The following BMPR2 variants were observed in gnomAD, a reference collection of about 807,000 sequenced individuals.
The protein encoded by BMPR2 is bone morphogenetic protein receptor type 2.
In BMPR2, 29 loss-of-function variants were observed where a neutral mutation model predicts 100.8. The ratio of observed to expected loss-of-function variants is 0.29; its 90% CI spans 0.21 to 0.39. BMPR2 has a LOEUF of 0.39. Among genes scored for constraint, BMPR2 ranks in the 10% least tolerant of loss-of-function variants. BMPR2 has a pLI of 1.00. For missense variants in BMPR2, 1,011 were observed against 1,274.5 expected (o/e 0.79, Z 3.15); for synonymous variants, 382 against 442.3 (o/e 0.86, Z 1.71).
intron 3 of BMPR2, among the ~76,000 whole-genome samples, chr2:202,504,861 A>G (rs1268671318): frequency 6.6e-6 from 1 of 151,566 alleles, no homozygotes; most frequent in Non-Finnish European, 1.5e-5. Context: ...TTGTATTTTT[A>G]GTAGAGACGG....
At chr2:202,463,538 C>G (rs1209873229) in intron 1 of BMPR2, among the ~76,000 whole-genome samples, 1 of 152,140 alleles carries the variant, frequency 6.6e-6, no homozygotes, top group African/African-American at 2.4e-5. Context: ...AATAAAGAAA[C>G]AAGTCAGAAG....
chr2:202,528,987 G>T (rs998860916), intron 7 of BMPR2, among the ~76,000 whole-genome samples: 1 of 152,126 alleles, frequency 6.6e-6, no homozygotes, highest in African/African-American at 2.4e-5. Flanking sequence ...TGTTGCTTCC[G>T]AATAAGGAAG....
At chr2:202,479,850 A>G (rs192315680) in intron 3 of BMPR2, among the ~76,000 whole-genome samples, 2 of 152,220 alleles carry the variant, frequency 1.3e-5, no homozygotes, top group East Asian at 3.9e-4. Flanking sequence ...CATTTCCGTA[A>G]TGAATAATGG....
At chr2:202,471,932 G>T (rs139122118) in intron 3 of BMPR2, among the ~76,000 whole-genome samples, 1 of 152,060 alleles carries the variant, frequency 6.6e-6, no homozygotes, top group Admixed American at 6.6e-5. Context: ...GTGTGTGTGT[G>T]TGTGTGTAGA....
rs182645552 is a variant in BMPR2 at position 202,438,738 on chromosome 2, G to A, written c.77-26071G>A. On this transcript the variant is annotated intron_variant, in intron 1 of 12. Transcript: ENST00000374580. ...AGGGCAATTTTTTCCCCATTGAATT[G>A]TCTTGGCACCCTTGTCAAAAATCAG... Among the ~76,000 whole-genome samples, 27 of 150,562 alleles carry A rather than the reference G, an allele frequency of 1.8e-4. 1 individual carries two copies. The highest frequency in any genetic ancestry group is 1.6e-3 in the Admixed American group (25 of 15,232).
At chr2:202,408,035 G>A (rs1001610338) in intron 1 of BMPR2, among the ~76,000 whole-genome samples, 2 of 151,696 alleles carry the variant, frequency 1.3e-5, no homozygotes, top group Non-Finnish European at 2.9e-5. Context: ...GGGTTTCACC[G>A]TGTTAGCCAG....
In BMPR2 at chr2:202,467,702, AC is replaced by A; in HGVS notation, c.418+15del. 1 of 1,600,300 alleles carries A rather than the reference AC, an allele frequency of 6.2e-7. No homozygotes were observed. The highest frequency in any genetic ancestry group is 8.6e-7 in the Non-Finnish European group (1 of 1,167,438). On this transcript the variant is annotated intron_variant, in intron 3 of 12. Transcript: ENST00000374580. ...ACAACACCACTCAGTAAGTAAAGTA[AC>A]CAACTTTTCTTTGTATTTCCTTTCT... is the stretch of plus-strand genomic sequence containing the variant.
chr2:202,557,894 A>G (rs1213540898), intron 12 of BMPR2, among the ~76,000 whole-genome samples: 1 of 152,232 alleles, frequency 6.6e-6, no homozygotes, highest in African/African-American at 2.4e-5. Context: ...AGCTCCAAGT[A>G]ATGTTATACC....
At chr2:202,381,736 A>G (rs973405533) in intron 1 of BMPR2, among the ~76,000 whole-genome samples, 2 of 152,208 alleles carry the variant, frequency 1.3e-5, no homozygotes, top group Non-Finnish European at 2.9e-5. Context: ...AGTTTTTTGC[A>G]TTAAAATGAT....
chr2:202,451,720 C>A (rs1691989537), intron 1 of BMPR2, among the ~76,000 whole-genome samples: 1 of 152,044 alleles, frequency 6.6e-6, no homozygotes, highest in African/African-American at 2.4e-5. Flanking sequence ...CAAAAAACTA[C>A]AATTTGATGA....
chr2:202,494,335 T>C (rs182573889), intron 3 of BMPR2, among the ~76,000 whole-genome samples: 4 of 152,330 alleles, frequency 2.6e-5, no homozygotes, highest in African/African-American at 9.6e-5. Flanking sequence ...TAACCACTAG[T>C]GTGTTATATT....
At chr2:202,430,292 T>C (rs961086385) in intron 1 of BMPR2, among the ~76,000 whole-genome samples, 1 of 152,344 alleles carries the variant, frequency 6.6e-6, no homozygotes, top group East Asian at 1.9e-4. Flanking sequence ...AGTTCAGTTG[T>C]AGCAGTATGC....
chr2:202,396,785 G>A (rs1175799611), intron 1 of BMPR2, among the ~76,000 whole-genome samples: 1 of 72,382 alleles, frequency 1.4e-5, no homozygotes, highest in Non-Finnish European at 2.6e-5. Context: ...GTTATCTTGA[G>A]CAAGAAACTA....
intron 5 of BMPR2, among the ~76,000 whole-genome samples, chr2:202,516,490 C>T (rs1559062045): frequency 6.6e-6 from 1 of 152,082 alleles, no homozygotes; most frequent in Non-Finnish European, 1.5e-5. Context: ...TCATGGGCAA[C>T]ATGGTGAAAC....
At chr2:202,556,952 G>A (rs1462300465) in intron 12 of BMPR2, among the ~76,000 whole-genome samples, 5 of 151,170 alleles carry the variant, frequency 3.3e-5, no homozygotes, top group Non-Finnish European at 7.4e-5. Flanking sequence ...GCGTGGTGGC[G>A]TGCACCTGTA....
intron 1 of BMPR2, among the ~76,000 whole-genome samples, chr2:202,460,648 C>A (rs201245778): frequency 1.3e-5 from 2 of 151,580 alleles, no homozygotes; most frequent in Non-Finnish European, 2.9e-5. Flanking sequence ...ACAATGAGAA[C>A]GATAAAAGAG....
At chr2:202,458,079 A>G (rs1692155769) in intron 1 of BMPR2, among the ~76,000 whole-genome samples, 1 of 151,932 alleles carries the variant, frequency 6.6e-6, no homozygotes, top group African/African-American at 2.4e-5. Flanking sequence ...TTTAAATGAT[A>G]TGGTAACACA....
At chr2:202,548,417 A>G (rs1688414362) in intron 10 of BMPR2, among the ~76,000 whole-genome samples, 1 of 152,040 alleles carries the variant, frequency 6.6e-6, no homozygotes, top group Non-Finnish European at 1.5e-5. Flanking sequence ...CCACCTGTGA[A>G]TAACCACTGC....
intron 3 of BMPR2, among the ~76,000 whole-genome samples, chr2:202,505,774 T>C (rs1687508872): frequency 6.6e-6 from 1 of 152,212 alleles, no homozygotes; most frequent in East Asian, 1.9e-4. Flanking sequence ...ACTTATGAGC[T>C]CTTTTCACTA....
Sources: gnomAD v4.1 joint callset for allele counts (sites outside exome capture counted in the v4.1 genomes callset) on GRCh38, gnomAD v4.1.1 for gene constraint, MANE v1.5 for transcripts, NCBI Gene and HGNC (gene_info 2026-07-23, HGNC 2026-07-21) for gene names.